Variants in OSBPL5 observed in about 807,000 individuals in gnomAD.
OSBPL5 encodes oxysterol-binding protein-related protein 5.
Under a neutral mutation model 111.2 loss-of-function variants are expected in OSBPL5, and 71 were observed. That is an observed-to-expected ratio of 0.64 (90% CI 0.53 to 0.78). The LOEUF is 0.78. OSBPL5 is among the 30% of genes least tolerant of loss of function. The pLI, the probability that OSBPL5 is intolerant of heterozygous loss-of-function variation, is 0.00. For missense variants in OSBPL5, 1,210 were observed against 1,189.3 expected (o/e 1.02, Z -0.26); for synonymous variants, 549 against 513.9 (o/e 1.07, Z -0.93).
intron 1 of OSBPL5, among the ~76,000 whole-genome samples, chr11:3,134,286 CTG>C (rs1845891626): frequency 6.6e-6 from 1 of 152,248 alleles, no homozygotes; most frequent in African/African-American, 2.4e-5. Context: ...GTGTTTGCCA[CTG>C]TAGCCATCCG....
At position 3,104,198 on chromosome 11, in the gene OSBPL5, G is replaced by T. The variant is rs751008402; in HGVS notation, c.1239C>A (p.Leu413=). ...CCTCCCGGCATGGCGCGCACCTGGAGAGCAGGTCTGCGTGGTAGTAGTAGT... is the reference window on the plus strand; with the variant it reads ...CCTCCCGGCATGGCGCGCACCTGGATAGCAGGTCTGCGTGGTAGTAGTAGT... The part of the protein sequence containing the change: ...LSDYYYHADL[L]SRAAVEEDAY... Residue 413 remains leucine (L), a synonymous_variant, in exon 10 of 22, where the codon CTC becomes CTA. Coordinates refer to ENST00000263650, the MANE Select transcript of OSBPL5 (RefSeq NM_020896.4). This position sits in a 1 kb window ranked among gnomAD's most constrained non-coding sequence, Gnocchi z 5.0. 5.0e-6 allele frequency: 8 copies of T among 1,605,920 alleles called. No individual in the cohort carries two copies. The highest frequency in any genetic ancestry group is 1.3e-5 in the African/African-American group (1 of 74,810).
At chr11:3,122,123 GT>G in intron 4 of OSBPL5, 25 bp from the exon 5 acceptor site, 1 of 1,542,380 alleles carries the variant, frequency 6.5e-7, no homozygotes, top group Non-Finnish European at 8.7e-7. Flanking sequence ...CCCGCGGTGG[GT>G]CATGGGAGAA....
intron 1 of OSBPL5, among the ~76,000 whole-genome samples, chr11:3,151,114 G>A (rs934513718): frequency 1.2e-4 from 18 of 152,162 alleles, no homozygotes; most frequent in Non-Finnish European, 2.4e-4. Context: ...GTGCCGTGAA[G>A]ACAGAGGCGG....
intron 1 of OSBPL5, among the ~76,000 whole-genome samples, chr11:3,153,995 C>T (rs888584094): frequency 1.3e-5 from 2 of 152,260 alleles, no homozygotes; most frequent in South Asian, 2.1e-4. Flanking sequence ...CCGTCAGCCC[C>T]GCACACACAG....
At chr11:3,145,137 C>T (rs1028187956) in intron 1 of OSBPL5, among the ~76,000 whole-genome samples, 5 of 152,222 alleles carry the variant, frequency 3.3e-5, no homozygotes, top group Non-Finnish European at 7.3e-5. Flanking sequence ...ACGCTCTCTG[C>T]GTGCACCTGG....
rs938054206 is a variant in OSBPL5, at chr11:3,104,644, C to T, written c.1060-267G>A. Among the ~76,000 whole-genome samples, 1 of 152,166 alleles carries T rather than the reference C, an allele frequency of 6.6e-6. No individual in the cohort carries two copies. The highest frequency in any genetic ancestry group is 6.5e-5 in the Admixed American group (1 of 15,274). Reference sequence around the variant, plus strand: ...GCTCCTTGCCCAGGGACCCCATGCCCTGCCCTCCTCAAAGTCCAGGGTGCA... The same window carrying T: ...GCTCCTTGCCCAGGGACCCCATGCCTTGCCCTCCTCAAAGTCCAGGGTGCA... On this transcript the variant is annotated intron_variant, in intron 9 of 21. Coordinates refer to ENST00000263650, the MANE Select transcript of OSBPL5 (RefSeq NM_020896.4). The surrounding 1 kb of genome is among the most constrained non-coding windows in gnomAD (Gnocchi z 5.0).
At chr11:3,115,401 G>T (rs1165634779) in intron 7 of OSBPL5, among the ~76,000 whole-genome samples, 1 of 152,148 alleles carries the variant, frequency 6.6e-6, no homozygotes, top group African/African-American at 2.4e-5. Flanking sequence ...GGTCTAAAAA[G>T]AACACCAAGT....
rs1857139676 is a variant in OSBPL5 at position 3,093,541 on chromosome 11, C to G, written c.1932G>C (p.Glu644Asp). 1 of 1,609,804 alleles carries G rather than the reference C, an allele frequency of 6.2e-7. No homozygotes were observed. The highest frequency in any genetic ancestry group is 1.7e-5 in the Admixed American group (1 of 60,010). Residue 644 changes from glutamate to aspartate, a missense_variant, in exon 17 of 22, where the codon GAG (glutamate) becomes GAC (aspartate). Glu to Asp is a conservative substitution (Grantham distance 45). Coordinates refer to ENST00000263650, the MANE Select transcript of OSBPL5 (RefSeq NM_020896.4). ...ACAGGCCTCACCTCTCGGACTCCAG[C>G]TCCGTCTGCTCCTCCAGCGGCACCG... ...QHTVPLEEQT[E>D]LESERLWQHV...
chr11:3,137,353 C>T (rs1276991167), intron 1 of OSBPL5, among the ~76,000 whole-genome samples: 2 of 152,226 alleles, frequency 1.3e-5, no homozygotes, highest in African/African-American at 2.4e-5. Flanking sequence ...CAGCTGGGCC[C>T]TGGGGGGCTT....
chr11:3,105,326 G>A lies in OSBPL5; in HGVS notation c.1060-949C>T, dbSNP rs1857655883. On this transcript the variant is annotated intron_variant, in intron 9 of 21. Transcript: ENST00000263650. The surrounding 1 kb of genome is among the most constrained non-coding windows in gnomAD (Gnocchi z 5.2). ...CGCTGCTGGGACTCCTCAGGCAAATGGCTTCGCCTCTCTGTGCACGCATGG... is the reference window on the plus strand; with the variant it reads ...CGCTGCTGGGACTCCTCAGGCAAATAGCTTCGCCTCTCTGTGCACGCATGG... Among the ~76,000 whole-genome samples the A allele has an allele frequency of 6.6e-6, 1 of 152,196 alleles. No homozygotes were observed. Among genetic ancestry groups the A allele is most frequent in the African/African-American group, 2.4e-5 (1 of 41,450 alleles).
chr11:3,119,288 G>A (rs1034518805), intron 7 of OSBPL5, among the ~76,000 whole-genome samples: 2 of 152,224 alleles, frequency 1.3e-5, no homozygotes, highest in African/African-American at 4.8e-5. Flanking sequence ...TGGGATTACA[G>A]GTGTGAGCCA....
At position 3,152,334 on chromosome 11, in the gene OSBPL5, A is replaced by G. The variant is rs1202442021; in HGVS notation, c.-22+12882T>C. 2.0e-5 allele frequency among the ~76,000 whole-genome samples: 3 copies of G among 152,362 alleles called. No individual in the cohort carries two copies. In the East Asian group the frequency reaches 5.8e-4, roughly 29 times the overall value. ...TAACACGTCTTCTAGGTATAAAGGT[A>G]CTTCAAAAAGAAGTGAGTTGATTTA... On this transcript the variant is annotated intron_variant, in intron 1 of 21. Coordinates refer to ENST00000263650, the MANE Select transcript of OSBPL5 (RefSeq NM_020896.4).
Position 3,092,920 on chromosome 11 carries a change from C to T in OSBPL5, c.2079G>A (p.Pro693=), listed in dbSNP as rs372777170. 413 of 1,568,330 alleles carry T rather than the reference C, an allele frequency of 2.6e-4. No homozygotes were observed. The highest frequency in any genetic ancestry group is 3.4e-4 in the Non-Finnish European group (390 of 1,156,810). Residue 693 remains proline (P), a synonymous_variant, in exon 18 of 22, where the codon CCG becomes CCA. Coordinates refer to ENST00000263650, the MANE Select transcript of OSBPL5 (RefSeq NM_020896.4). The surrounding 1 kb of genome is among the most constrained non-coding windows in gnomAD (Gnocchi z 5.4). ...ERQESLMPWK[P]QLFHLDPITQ... Reference sequence around the variant, plus strand: ...TGATGGGGTCCAGGTGGAACAGCTGCGGCTTCCAGGGCATGAGGCTCTCCT... The same window carrying T: ...TGATGGGGTCCAGGTGGAACAGCTGTGGCTTCCAGGGCATGAGGCTCTCCT...
chr11:3,101,009 CT>C (rs1857436309), intron 13 of OSBPL5, among the ~76,000 whole-genome samples: 2 of 149,854 alleles, frequency 1.3e-5, no homozygotes, highest in Admixed American at 1.3e-4. Flanking sequence ...GAGTCTCACC[CT>C]GTCGTCCAGG....
At chr11:3,098,495 A>ATGTTTTTTTTT (rs1857349405) in intron 14 of OSBPL5, among the ~76,000 whole-genome samples, 1 of 81,202 alleles carries the variant, frequency 1.2e-5, no homozygotes, top group Admixed American at 1.5e-4. Context: ...ACATGAAGGA[A>ATGTTTTTTTTT]TTTTTTTTTT....
intron 15 of OSBPL5, 57 bp downstream of exon 15, chr11:3,094,179 TC>T: frequency 6.6e-7 from 1 of 1,511,484 alleles, no homozygotes. Context: ...GTGAGGGGGA[TC>T]CCCAAGGCTT....
intron 1 of OSBPL5, among the ~76,000 whole-genome samples, chr11:3,134,943 G>A (rs1845909742): frequency 6.6e-6 from 1 of 152,214 alleles, no homozygotes; most frequent in Admixed American, 6.5e-5. Flanking sequence ...CACTAGGCTG[G>A]AGAGGGGACG....
At chr11:3,120,726 G>A in intron 5 of OSBPL5, 102 bp from the exon 6 acceptor site, 1 of 1,295,652 alleles carries the variant, frequency 7.7e-7, no homozygotes, top group Non-Finnish European at 1.1e-6. Flanking sequence ...AGGGTGGGCT[G>A]CCGAGGGGCC....
chr11:3,094,225 A>G lies in OSBPL5; in HGVS notation c.1719+12T>C. 1 of 1,612,272 alleles carries G rather than the reference A, an allele frequency of 6.2e-7. No individual in the cohort carries two copies. Among genetic ancestry groups the G allele is most frequent in the Non-Finnish European group, 8.5e-7 (1 of 1,179,332 alleles). On this transcript the variant is annotated intron_variant, in intron 15 of 21. Coordinates refer to ENST00000263650, the MANE Select transcript of OSBPL5 (RefSeq NM_020896.4). ...CCTGGCCTCGTCTCCCCCAGGCTGCAGCCAGCGCTACCTTGAGTTTGAATT... is the reference window on the plus strand; with the variant it reads ...CCTGGCCTCGTCTCCCCCAGGCTGCGGCCAGCGCTACCTTGAGTTTGAATT...
Sources: allele counts gnomAD v4.1 joint callset (sites outside exome capture counted in the v4.1 genomes callset), GRCh38; gene constraint gnomAD v4.1.1; non-coding constraint Gnocchi (gnomAD v3.1); transcripts MANE v1.5; gene names NCBI Gene and HGNC (gene_info 2026-07-23, HGNC 2026-07-21).